The following CDKAL1 variants were observed in gnomAD, a reference collection of about 807,000 sequenced individuals.
The protein encoded by CDKAL1 is CDKAL1 threonylcarbamoyladenosine tRNA methylthiotransferase.
In CDKAL1, 32 loss-of-function variants were observed where a neutral mutation model predicts 68.2. That is an observed-to-expected ratio of 0.47 (90% CI 0.35 to 0.63). CDKAL1 has a LOEUF of 0.63. CDKAL1 is among the 30% of genes least tolerant of loss of function. The probability of loss-of-function intolerance (pLI) is 0.00; values close to 1 mark genes in which losing one functional copy is unlikely to be tolerated. For synonymous variants in CDKAL1, 234 were observed against 244.3 expected (o/e 0.96, Z 0.39); for missense variants, 606 against 696.7 (o/e 0.87, Z 1.47).
chr6:21,130,905 A>G (rs1034555314), intron 13 of CDKAL1, among the ~76,000 whole-genome samples: 1 of 152,186 alleles, frequency 6.6e-6, no homozygotes, highest in African/African-American at 2.4e-5. Context: ...CCTGCCAGCT[A>G]GTGGTGGATT....
chr6:21,007,084 T>C (rs1226495471), intron 11 of CDKAL1, among the ~76,000 whole-genome samples: 4 of 152,048 alleles, frequency 2.6e-5, no homozygotes, highest in Non-Finnish European at 5.9e-5. Flanking sequence ...GCAAAGTACA[T>C]AGGGTTAGTA....
At chr6:20,918,978 C>T (rs114772274) in intron 9 of CDKAL1, among the ~76,000 whole-genome samples, 1 of 152,308 alleles carries the variant, frequency 6.6e-6, no homozygotes, top group African/African-American at 2.4e-5. Flanking sequence ...ACAAAGTGTT[C>T]TCACTACAGA....
rs1193425215 is a variant in CDKAL1 at position 20,946,510 on chromosome 6, G to T, written c.743-8909G>T. ...CTCCCAAAATGTTGGGATTACAGGG[G>T]TGAGCCAATACGGCTGGCCTTTAAA... On this transcript the variant is annotated intron_variant, in intron 9 of 15. Transcript: ENST00000274695. Among the ~76,000 whole-genome samples the T allele has an allele frequency of 2.0e-5, 3 of 152,084 alleles. No homozygotes were observed. In the East Asian group the frequency reaches 5.8e-4, roughly 29 times the overall value.
chr6:20,551,930 G>T (rs1359386413), intron 4 of CDKAL1, among the ~76,000 whole-genome samples: 1 of 150,736 alleles, frequency 6.6e-6, no homozygotes, highest in Non-Finnish European at 1.5e-5. Context: ...GTCTCACTAT[G>T]TTTGCCCAGG....
At chr6:20,999,680 A>G (rs909311820) in intron 10 of CDKAL1, among the ~76,000 whole-genome samples, 3 of 145,438 alleles carry the variant, frequency 2.1e-5, no homozygotes, top group African/African-American at 5.5e-5. Flanking sequence ...AAAAAAAAAA[A>G]AAAAAAAGAA....
At chr6:21,013,462 G>T (rs796172337) in intron 11 of CDKAL1, among the ~76,000 whole-genome samples, 1 of 151,924 alleles carries the variant, frequency 6.6e-6, no homozygotes, top group Non-Finnish European at 1.5e-5. Flanking sequence ...CATAATAATC[G>T]CAGAGTAAAC....
intron 5 of CDKAL1, among the ~76,000 whole-genome samples, chr6:20,701,633 T>C (rs1201756295): frequency 1.3e-5 from 2 of 152,102 alleles, no homozygotes; most frequent in African/African-American, 4.8e-5. Flanking sequence ...TCCCACTCTG[T>C]CTAAGGTTTT....
At chr6:20,998,835 A>T (rs1470895519) in intron 10 of CDKAL1, among the ~76,000 whole-genome samples, 1 of 152,238 alleles carries the variant, frequency 6.6e-6, no homozygotes, top group Non-Finnish European at 1.5e-5. Context: ...ATTGTATTTG[A>T]TAATCTTAGT....
chr6:20,572,178 A>G (rs1764730619), intron 4 of CDKAL1, among the ~76,000 whole-genome samples: 1 of 152,176 alleles, frequency 6.6e-6, no homozygotes, highest in East Asian at 1.9e-4. Flanking sequence ...CAAGATACCC[A>G]TGAAAGCAAC....
At chr6:20,688,239 TCA>T (rs1291687193) in intron 5 of CDKAL1, among the ~76,000 whole-genome samples, 7 of 152,148 alleles carry the variant, frequency 4.6e-5, no homozygotes, top group Admixed American at 6.5e-5. Flanking sequence ...TGCTTGGCAT[TCA>T]CAGTCTCCTG....
At chr6:20,928,304 A>C (rs1414873258) in intron 9 of CDKAL1, among the ~76,000 whole-genome samples, 1 of 152,252 alleles carries the variant, frequency 6.6e-6, no homozygotes, top group Non-Finnish European at 1.5e-5. Flanking sequence ...GGATGTGAAG[A>C]AACTAGTTTT....
At chr6:21,110,302 G>A (rs1278600546) in intron 13 of CDKAL1, among the ~76,000 whole-genome samples, 4 of 152,076 alleles carry the variant, frequency 2.6e-5, no homozygotes, top group Non-Finnish European at 5.9e-5. Context: ...TTCCATCCAG[G>A]CAAATCTATC....
At chr6:20,558,789 A>G in intron 4 of CDKAL1, 1 of 349,288 alleles carries the variant, frequency 2.9e-6, no homozygotes, top group Admixed American at 3.8e-5. Context: ...ATTGCATTGA[A>G]GAGTGGAAGA....
intron 4 of CDKAL1, among the ~76,000 whole-genome samples, chr6:20,562,220 G>C (rs1408994245): frequency 6.6e-6 from 1 of 151,752 alleles, no homozygotes; most frequent in African/African-American, 2.4e-5. Context: ...CATATTGTAA[G>C]GGTGGGAATG....
intron 11 of CDKAL1, among the ~76,000 whole-genome samples, chr6:21,001,885 C>T (rs1767444330): frequency 6.6e-6 from 1 of 152,188 alleles, no homozygotes; most frequent in Admixed American, 6.5e-5. Flanking sequence ...ATACTTGTTA[C>T]ACAATATTTT....
At chr6:21,226,858 T>G (rs962405071) in intron 15 of CDKAL1, among the ~76,000 whole-genome samples, 1 of 152,046 alleles carries the variant, frequency 6.6e-6, no homozygotes, top group South Asian at 2.1e-4. Context: ...GACTACAGGC[T>G]CCCGCCACCA....
chr6:20,946,746 G>T (rs993469898), intron 9 of CDKAL1, among the ~76,000 whole-genome samples: 13 of 151,818 alleles, frequency 8.6e-5, no homozygotes, highest in African/African-American at 2.9e-4. Context: ...ACAGGCATGC[G>T]CCACCACGCC....
intron 4 of CDKAL1, among the ~76,000 whole-genome samples, chr6:20,621,528 G>A (rs576174483): frequency 2.0e-5 from 3 of 152,028 alleles, no homozygotes; most frequent in East Asian, 1.9e-4. Flanking sequence ...TTTTAGAGTG[G>A]TGTATCTACA....
intron 10 of CDKAL1, among the ~76,000 whole-genome samples, chr6:20,970,421 A>G (rs927221697): frequency 1.8e-4 from 28 of 152,190 alleles, no homozygotes; most frequent in Admixed American, 1.6e-3. Flanking sequence ...TTGACTGACA[A>G]TTTTTGTCAG....
Sources: gnomAD v4.1 joint callset for allele counts (sites outside exome capture counted in the v4.1 genomes callset) on GRCh38, gnomAD v4.1.1 for gene constraint, MANE v1.5 for transcripts, NCBI Gene and HGNC (gene_info 2026-07-23, HGNC 2026-07-21) for gene names.